Variants in CNTN5 observed in about 807,000 individuals in gnomAD.
The protein encoded by CNTN5 is contactin 5.
A neutral mutation model predicts 129.1 loss-of-function variants in CNTN5; 77 were observed. The observed-to-expected ratio is 0.60, with a 90% CI of 0.50 to 0.72. The LOEUF is 0.72. CNTN5 is among the 30% of genes least tolerant of loss of function. The pLI, the probability that CNTN5 is intolerant of heterozygous loss-of-function variation, is 0.00. For synonymous variants in CNTN5, 509 were observed against 465.6 expected, an observed-to-expected ratio of 1.09 and a Z score of -1.20; for missense variants, 1,478 against 1,328.8, an observed-to-expected ratio of 1.11 and a Z score of -1.75.
At position 100,152,836 on chromosome 11, in the gene CNTN5, G is replaced by C. The variant is rs574320393; in HGVS notation, c.1581-38290G>C. ...TATGTTATAGCATTCCTGTTTTACA[G>C]ATGAGGAAACTAAGGTTCAGAAAGT... On this transcript the variant is annotated intron_variant, in intron 13 of 24. Coordinates refer to ENST00000524871, the MANE Select transcript of CNTN5 (RefSeq NM_014361.4). Among the ~76,000 whole-genome samples, 13 of 152,126 alleles carry C rather than the reference G, an allele frequency of 8.5e-5. No individual in the cohort carries two copies. The South Asian group carries it at 2.3e-3, about 27-fold the overall frequency.
At chr11:99,209,980 C>T (rs1053421928) in intron 1 of CNTN5, among the ~76,000 whole-genome samples, 3 of 152,108 alleles carry the variant, frequency 2.0e-5, no homozygotes, top group African/African-American at 7.2e-5. Context: ...TAATGTAAAA[C>T]CTATCAAAGT....
chr11:100,042,135 T>C (rs1019365907), intron 9 of CNTN5, among the ~76,000 whole-genome samples: 1 of 152,164 alleles, frequency 6.6e-6, no homozygotes, highest in African/African-American at 2.4e-5. Flanking sequence ...GTTTCCAGAC[T>C]TTTTCAAAGA....
chr11:100,339,201 A>T (rs1952105156), intron 21 of CNTN5, among the ~76,000 whole-genome samples: 1 of 152,072 alleles, frequency 6.6e-6, no homozygotes, highest in Non-Finnish European at 1.5e-5. Context: ...TCCACTGGCA[A>T]GGGCAAAGGG....
At chr11:99,560,278 T>G (rs1397370985) in intron 3 of CNTN5, among the ~76,000 whole-genome samples, 3 of 144,758 alleles carry the variant, frequency 2.1e-5, no homozygotes, top group African/African-American at 7.7e-5. Flanking sequence ...GTATTATTAT[T>G]ATTATTATTA....
intron 2 of CNTN5, among the ~76,000 whole-genome samples, chr11:99,421,449 G>A (rs1432363853): frequency 6.6e-6 from 1 of 152,120 alleles, no homozygotes; most frequent in Non-Finnish European, 1.5e-5. Context: ...CAGAATTCAG[G>A]ATTAAAATCA....
In CNTN5 at chr11:99,382,951, G is replaced by T. The variant is rs1030655717; in HGVS notation, c.-71+57467G>T. ...GGCTCACTGCAACCTCCGCCTCCCAGGTTCAAACAATTCTCCTGCCTCAGC... is the reference window on the plus strand; with the variant it reads ...GGCTCACTGCAACCTCCGCCTCCCATGTTCAAACAATTCTCCTGCCTCAGC... On this transcript the variant is annotated intron_variant, in intron 2 of 24. Coordinates refer to ENST00000524871, the MANE Select transcript of CNTN5 (RefSeq NM_014361.4). Among the ~76,000 whole-genome samples, 6 of 131,072 alleles carry T rather than the reference G, an allele frequency of 4.6e-5. No individual in the cohort carries two copies. The East Asian group carries it at 1.6e-3, about 34-fold the overall frequency. 86.0% of individuals were successfully genotyped at this position (131,072 alleles called of 152,430 possible).
chr11:99,042,586 A>T (rs144714964), intron 1 of CNTN5, among the ~76,000 whole-genome samples: 5,344 of 151,986 alleles, frequency 0.035, 304 homozygotes, highest in African/African-American at 0.12. Context: ...TGTGTTAGCC[A>T]GGATGGTCTC....
At chr11:99,713,223 A>G (rs1739506728) in intron 3 of CNTN5, among the ~76,000 whole-genome samples, 1 of 151,976 alleles carries the variant, frequency 6.6e-6, no homozygotes, top group African/African-American at 2.4e-5. Flanking sequence ...TCGGATTCCT[A>G]GGCATTTTAT....
intron 7 of CNTN5, among the ~76,000 whole-genome samples, chr11:99,932,810 G>C (rs1591441636): frequency 6.6e-6 from 1 of 152,240 alleles, no homozygotes; most frequent in Non-Finnish European, 1.5e-5. Context: ...AAGTAACAAA[G>C]GATTTATTCT....
intron 16 of CNTN5, among the ~76,000 whole-genome samples, chr11:100,231,414 A>G (rs1949485583): frequency 1.3e-5 from 2 of 152,196 alleles, no homozygotes; most frequent in Admixed American, 1.3e-4. Flanking sequence ...GGCAGGATCT[A>G]TAGAACTTGA....
chr11:99,149,541 G>T (rs1054436013), intron 1 of CNTN5, among the ~76,000 whole-genome samples: 4 of 151,882 alleles, frequency 2.6e-5, no homozygotes, highest in Non-Finnish European at 5.9e-5. Context: ...ACTGTCATAC[G>T]TTACAACACA....
intron 3 of CNTN5, among the ~76,000 whole-genome samples, chr11:99,578,560 T>C (rs918344953): frequency 3.3e-5 from 5 of 150,832 alleles, no homozygotes; most frequent in African/African-American, 1.2e-4. Context: ...GGTTTTGATT[T>C]GCATTTCTCT....
chr11:99,828,534 A>G lies in CNTN5; in HGVS notation c.277+8769A>G, dbSNP rs183593998. On this transcript the variant is annotated intron_variant, in intron 4 of 24. Coordinates refer to ENST00000524871, the MANE Select transcript of CNTN5 (RefSeq NM_014361.4). The stretch of plus-strand genomic sequence containing the variant: ...AGTCCCACCTCTTAATGCTGTTACA[A>G]TATCAATTAACTTTTAATATAAATT... Among the ~76,000 whole-genome samples the G allele has an allele frequency of 4.6e-5, 7 of 152,310 alleles. No homozygotes were observed. The South Asian group carries it at 6.2e-4, about 14-fold the overall frequency.
chr11:99,212,587 G>A (rs1391600386), intron 1 of CNTN5, among the ~76,000 whole-genome samples: 5 of 151,854 alleles, frequency 3.3e-5, no homozygotes, highest in African/African-American at 1.2e-4. Context: ...TACATAAACG[G>A]ACCTCCCATC....
intron 6 of CNTN5, among the ~76,000 whole-genome samples, chr11:99,868,598 G>T (rs1229910781): frequency 6.6e-6 from 1 of 152,148 alleles, no homozygotes; most frequent in Non-Finnish European, 1.5e-5. Flanking sequence ...TTTCAAGTTG[G>T]TTCCCAACTT....
chr11:99,863,761 A>G (rs1269534857), intron 6 of CNTN5, among the ~76,000 whole-genome samples: 3 of 152,218 alleles, frequency 2.0e-5, no homozygotes, highest in Non-Finnish European at 2.9e-5. Context: ...ACCTAGCAAT[A>G]TTAAGAAGCG....
intron 1 of CNTN5, among the ~76,000 whole-genome samples, chr11:99,230,233 A>G (rs1337494815): frequency 6.6e-6 from 1 of 152,106 alleles, no homozygotes; most frequent in African/African-American, 2.4e-5. Context: ...GCAGGTCCCC[A>G]GTCATGCTTG....
chr11:100,070,966 A>G (rs1402777578), intron 11 of CNTN5, among the ~76,000 whole-genome samples: 1 of 152,028 alleles, frequency 6.6e-6, no homozygotes, highest in Non-Finnish European at 1.5e-5. Flanking sequence ...CTTCGTTGAT[A>G]GACAAAGCAC....
chr11:99,172,822 T>G (rs1861207419), intron 1 of CNTN5, among the ~76,000 whole-genome samples: 1 of 152,186 alleles, frequency 6.6e-6, no homozygotes, highest in African/African-American at 2.4e-5. Flanking sequence ...AGAATTTGTT[T>G]CCATCATGAG....
Sources: gnomAD v4.1 joint callset for allele counts (sites outside exome capture counted in the v4.1 genomes callset) on GRCh38, gnomAD v4.1.1 for gene constraint, MANE v1.5 for transcripts, NCBI Gene and HGNC (gene_info 2026-07-23, HGNC 2026-07-21) for gene names.